The following CADPS variants were observed in gnomAD, a reference collection of about 807,000 sequenced individuals.
CADPS encodes the protein calcium dependent secretion activator, also known as calcium-dependent secretion activator 1.
Under a neutral mutation model 167.3 loss-of-function variants are expected in CADPS, and 57 were observed. That is an observed-to-expected ratio of 0.34 (90% CI 0.28 to 0.42). The LOEUF is 0.42. Among genes scored for constraint, CADPS ranks in the 20% least tolerant of loss-of-function variants. The pLI is 1.00. For synonymous variants in CADPS, 676 were observed against 635.3 expected, an observed-to-expected ratio of 1.06 and a Z score of -0.96; for missense variants, 1,414 against 1,738.1, an observed-to-expected ratio of 0.81 and a Z score of 3.32.
intron 17 of CADPS, among the ~76,000 whole-genome samples, chr3:62,511,289 C>T (rs1480054849): frequency 1.3e-5 from 2 of 152,154 alleles, no homozygotes; most frequent in African/African-American, 4.8e-5. Context: ...CCATCCACTA[C>T]TATCATTTCA....
Position 62,874,464 on chromosome 3 carries a change from T to C in CADPS, c.441+125A>G. 1 of 722,632 alleles carries C rather than the reference T, an allele frequency of 1.4e-6. No homozygotes were observed. The highest frequency in any genetic ancestry group is 1.8e-5 in the South Asian group (1 of 54,902). 44.8% of individuals were successfully genotyped at this position (722,632 alleles called of 1,614,324 possible). On this transcript the variant is annotated intron_variant, in intron 1 of 29. Coordinates refer to ENST00000383710, the MANE Select transcript of CADPS (RefSeq NM_003716.4). The surrounding 1 kb of genome is among the most constrained non-coding windows in gnomAD (Gnocchi z 7.1). ...GCTGGGAGGGGGCCTCGTAGCCCTT[T>C]CCCCAGGGCGCGGTCTCCACCTCTC...
chr3:62,874,499 C>G lies in CADPS; in HGVS notation c.441+90G>C, dbSNP rs568131676. The G allele has an allele frequency of 7.2e-3, 7,496 of 1,035,592 alleles. 50 individuals are homozygous for G. Among genetic ancestry groups the G allele is most frequent in the Non-Finnish European group, 7.4e-3 (5,224 of 701,480 alleles). 64.2% of individuals were successfully genotyped at this position (1,035,592 alleles called of 1,614,324 possible). A position where few individuals can be genotyped will look rare whatever the true frequency, so the allele number is the denominator to read the frequency against. ...GCGGTCTCCACCTCTCCTGCTCCTC[C>G]TCGCCAGCTGCGCCGCCAGCTCCCA... On this transcript the variant is annotated intron_variant, in intron 1 of 29. Coordinates refer to ENST00000383710, the MANE Select transcript of CADPS (RefSeq NM_003716.4). The surrounding 1 kb of genome is among the most constrained non-coding windows in gnomAD (Gnocchi z 7.1).
chr3:62,516,246 T>G (rs2068964082), intron 15 of CADPS, 64 bp from the exon 16 acceptor site: 2 of 1,580,592 alleles, frequency 1.3e-6, no homozygotes, highest in African/African-American at 2.7e-5. Flanking sequence ...CATCCATACT[T>G]CTTAGAAGCG....
intron 8 of CADPS, among the ~76,000 whole-genome samples, chr3:62,576,024 C>T (rs2082197292): frequency 6.6e-6 from 1 of 152,158 alleles, no homozygotes; most frequent in Non-Finnish European, 1.5e-5. Flanking sequence ...GAAACATGCT[C>T]ATTAAATAGG....
At chr3:62,670,449 T>C (rs2075306996) in intron 3 of CADPS, among the ~76,000 whole-genome samples, 5 of 152,208 alleles carry the variant, frequency 3.3e-5, no homozygotes, top group Non-Finnish European at 5.9e-5. Context: ...TTCTTTATCA[T>C]GCCTTATTTC....
At chr3:62,525,688 T>C (rs1471623447) in intron 13 of CADPS, among the ~76,000 whole-genome samples, 3 of 151,814 alleles carry the variant, frequency 2.0e-5, no homozygotes, top group Non-Finnish European at 4.4e-5. Context: ...TATGTGTGTG[T>C]GTGTGTGTGT....
intron 8 of CADPS, among the ~76,000 whole-genome samples, chr3:62,577,657 T>C (rs2082549905): frequency 6.6e-6 from 1 of 152,370 alleles, no homozygotes; most frequent in Middle Eastern, 3.4e-3. Flanking sequence ...ATTAACCATG[T>C]ATGAGACCTT....
At chr3:62,592,071 G>C (rs994293570) in intron 7 of CADPS, among the ~76,000 whole-genome samples, 2 of 152,040 alleles carry the variant, frequency 1.3e-5, no homozygotes, top group South Asian at 4.2e-4. Flanking sequence ...TCAGTAAATC[G>C]GTTTACTGAT....
intron 1 of CADPS, among the ~76,000 whole-genome samples, chr3:62,780,233 T>C (rs1426792974): frequency 1.3e-5 from 2 of 151,982 alleles, no homozygotes; most frequent in South Asian, 4.2e-4. Context: ...CTGGGCAACA[T>C]AGCAAGATCC....
intron 1 of CADPS, among the ~76,000 whole-genome samples, chr3:62,859,426 C>T (rs1319749395): frequency 6.6e-6 from 1 of 152,128 alleles, no homozygotes; most frequent in East Asian, 1.9e-4. Context: ...TGAATATTGA[C>T]TGAAAGATAG....
intron 3 of CADPS, among the ~76,000 whole-genome samples, chr3:62,725,551 C>T (rs1388896804): frequency 6.6e-6 from 1 of 152,134 alleles, no homozygotes; most frequent in African/African-American, 2.4e-5. Flanking sequence ...GTTTCCTCAA[C>T]CATTGAAGCA....
At chr3:62,611,597 G>A (rs2061506168) in intron 6 of CADPS, among the ~76,000 whole-genome samples, 2 of 152,222 alleles carry the variant, frequency 1.3e-5, no homozygotes, top group Admixed American at 6.5e-5. Flanking sequence ...CCTTTGATGA[G>A]TTGAACCTTC....
intron 8 of CADPS, among the ~76,000 whole-genome samples, chr3:62,580,103 T>G (rs927864794): frequency 1.3e-5 from 2 of 152,170 alleles, no homozygotes; most frequent in African/African-American, 4.8e-5. Context: ...ACCAAAGGAC[T>G]ATAAATCATG....
chr3:62,854,129 T>G (rs2079175103), intron 1 of CADPS, among the ~76,000 whole-genome samples: 1 of 152,158 alleles, frequency 6.6e-6, no homozygotes, highest in African/African-American at 2.4e-5. Context: ...AATGCAGAAA[T>G]GTCACCTCAG....
At chr3:62,507,886 G>A (rs188403411) in intron 17 of CADPS, among the ~76,000 whole-genome samples, 2 of 152,200 alleles carry the variant, frequency 1.3e-5, no homozygotes. Context: ...TATGTGCCAG[G>A]CATTTGTGCT....
rs1288222212 is a variant in CADPS, at chr3:62,874,885, C to G, written c.145G>C (p.Gly49Arg). 7 of 1,252,866 alleles carry G rather than the reference C, an allele frequency of 5.6e-6. No homozygotes were observed. The highest frequency in any genetic ancestry group is 7.0e-6 in the Non-Finnish European group (7 of 995,120). 77.6% of individuals were successfully genotyped at this position (1,252,866 alleles called of 1,614,324 possible). A position where few individuals can be genotyped will look rare whatever the true frequency, so the allele number is the denominator to read the frequency against. The change falls in exon 1 of 30, where the codon GGG (glycine) becomes CGG (arginine). Residue 49 changes from glycine to arginine, a missense_variant. Physicochemically the swap from Gly to Arg is moderately radical, Grantham distance 125. Transcript: ENST00000383710. This position sits in a 1 kb window ranked among gnomAD's most constrained non-coding sequence, Gnocchi z 7.1. The stretch of plus-strand genomic sequence containing the variant: ...GCTCCGGCGCCGGCGCCGCCGCCCC[C>G]CAGCCCGGCGCTGCCGGCCGAGCCC... ...SEGSAGSAGL[G>R]GGGAGAGAGV...
intron 2 of CADPS, among the ~76,000 whole-genome samples, chr3:62,759,753 C>G (rs2084928057): frequency 6.6e-6 from 1 of 151,872 alleles, no homozygotes. Flanking sequence ...GATGGGATTG[C>G]AAGTATTTTT....
At chr3:62,589,719 C>T (rs546318733) in intron 7 of CADPS, among the ~76,000 whole-genome samples, 7 of 152,150 alleles carry the variant, frequency 4.6e-5, no homozygotes, top group African/African-American at 9.7e-5. Flanking sequence ...CTGGCTTGAT[C>T]GCTCTGGAGA....
chr3:62,399,746 T>C lies in CADPS; in HGVS notation c.3883-161A>G, dbSNP rs1199051698. 6.6e-6 allele frequency among the ~76,000 whole-genome samples: 1 copy of C among 152,238 alleles called. No individual in the cohort carries two copies. The highest frequency in any genetic ancestry group is 2.4e-5 in the African/African-American group (1 of 41,464). On this transcript the variant is annotated intron_variant, in intron 29 of 29. Coordinates refer to ENST00000383710, the MANE Select transcript of CADPS (RefSeq NM_003716.4). The surrounding 1 kb of genome is among the most constrained non-coding windows in gnomAD (Gnocchi z 5.6). ...CCACTGTGCTTAGATTTCACTTGTA[T>C]TGAAAACTGAGATCCTTTGAATGAC...
Sources: allele counts gnomAD v4.1 joint callset (sites outside exome capture counted in the v4.1 genomes callset), GRCh38; gene constraint gnomAD v4.1.1; non-coding constraint Gnocchi (gnomAD v3.1); transcripts MANE v1.5; gene names NCBI Gene and HGNC (gene_info 2026-07-23, HGNC 2026-07-21).